Variants in UGT3A1 observed in about 807,000 individuals in gnomAD.
UGT3A1 encodes UDP-glycosyltransferase 3A1.
In UGT3A1, 40 loss-of-function variants were observed where a neutral mutation model predicts 37.6. That is an observed-to-expected ratio of 1.06 (90% CI 0.83 to 1.38). The LOEUF (loss-of-function observed/expected upper bound fraction) is 1.38, where lower values mean the gene tolerates loss of function less well. Ranked by LOEUF, UGT3A1 falls within the 40% of genes most tolerant of loss-of-function variation. UGT3A1 has a pLI of 0.00. For synonymous variants in UGT3A1, 256 were observed against 232.3 expected, an observed-to-expected ratio of 1.10 and a Z score of -0.93; for missense variants, 642 against 634.2, an observed-to-expected ratio of 1.01 and a Z score of -0.13.
rs373182805 is a variant in UGT3A1 at position 35,954,230 on chromosome 5, C to T, written c.1544G>A (p.Arg515His). ...KLLGVVARWL[R>H]GARKVKKT The stretch of plus-strand genomic sequence containing the variant: ...TGTCTTCTTCACCTTCCTGGCCCCA[C>T]GCAGCCACCTGGCCACCACACCCAG... Residue 515 changes from arginine (R) to histidine (H), a missense_variant, in exon 7 of 7, where the codon CGT (arginine) becomes CAT (histidine). By Grantham distance (29) the Arg-to-His change is conservative. Transcript: ENST00000274278. The T allele has an allele frequency of 2.3e-5, 37 of 1,614,148 alleles. No individual in the cohort carries two copies. The highest frequency in any genetic ancestry group is 9.9e-5 in the South Asian group (9 of 91,076).
intron 1 of UGT3A1, 189 bp downstream of exon 1, chr5:35,990,958 T>A (rs1402851027): frequency 6.7e-7 from 1 of 1,483,588 alleles, no homozygotes; most frequent in East Asian, 2.4e-5. Context: ...AAAACTGTCT[T>A]CCTCACCTCA....
chr5:35,984,187 A>G (rs1453397820), intron 2 of UGT3A1, among the ~76,000 whole-genome samples: 1 of 152,230 alleles, frequency 6.6e-6, no homozygotes, highest in Non-Finnish European at 1.5e-5. Flanking sequence ...AGAATTCATA[A>G]GCAAATTCAG....
chr5:35,966,631 C>T (rs998892112), intron 3 of UGT3A1, among the ~76,000 whole-genome samples: 1 of 152,182 alleles, frequency 6.6e-6, no homozygotes, highest in Non-Finnish European at 1.5e-5. Flanking sequence ...CCTTCAATGT[C>T]TTCCCATAAT....
At chr5:35,983,812 A>T (rs1294952730) in intron 2 of UGT3A1, among the ~76,000 whole-genome samples, 2 of 152,226 alleles carry the variant, frequency 1.3e-5, no homozygotes, top group African/African-American at 4.8e-5. Context: ...TGATAATTTC[A>T]ATAGATGCAT....
upstream of UGT3A1, among the ~76,000 whole-genome samples, chr5:35,994,658 C>T (rs1741052530): frequency 6.6e-6 from 1 of 152,114 alleles, no homozygotes. Context: ...GCCCCTGACA[C>T]ATATGCCAGG....
chr5:35,983,213 T>A (rs1013772689), intron 2 of UGT3A1, among the ~76,000 whole-genome samples: 2 of 151,434 alleles, frequency 1.3e-5, no homozygotes, highest in Admixed American at 1.3e-4. Flanking sequence ...AAAAAAGATA[T>A]AACAACAGAG....
chr5:35,965,530 A>G lies in UGT3A1; in HGVS notation c.699T>C (p.Ser233=), dbSNP rs765490410. Residue 233 remains serine, a synonymous_variant, in exon 4 of 7, where the codon TCT becomes TCC. Coordinates refer to ENST00000274278, the MANE Select transcript of UGT3A1 (RefSeq NM_152404.4). ...NTIKEHFPEG[S]RPVLSHLLLK... Reference sequence around the variant, plus strand: ...GTAGAAGATGAGACAAAACTGGCCTAGAGCCTTCTGGGAAATGCTCCTTGA... The same window carrying G: ...GTAGAAGATGAGACAAAACTGGCCTGGAGCCTTCTGGGAAATGCTCCTTGA... The G allele has an allele frequency of 1.9e-5, 31 of 1,614,268 alleles. 1 individual carries two copies. The East Asian group carries it at 6.9e-4, about 36-fold the overall frequency.
chr5:35,967,356 A>G (rs1387323826), intron 3 of UGT3A1, among the ~76,000 whole-genome samples: 1 of 152,226 alleles, frequency 6.6e-6, no homozygotes, highest in African/African-American at 2.4e-5. Context: ...TGAAGCCACT[A>G]TAATTAACTA....
At chr5:35,969,582 C>G (rs183805444) in intron 2 of UGT3A1, among the ~76,000 whole-genome samples, 141 of 152,190 alleles carry the variant, frequency 9.3e-4, no homozygotes, top group African/African-American at 3.3e-3. Flanking sequence ...GATGCAAGAA[C>G]AAAAACTAAA....
chr5:35,995,220 C>G (rs1418135308), upstream of UGT3A1, among the ~76,000 whole-genome samples: 1 of 152,174 alleles, frequency 6.6e-6, no homozygotes, highest in Non-Finnish European at 1.5e-5. Flanking sequence ...CAGATCTGTT[C>G]CCCCCTTCTC....
chr5:35,968,034 G>C lies in UGT3A1; in HGVS notation c.296C>G (p.Thr99Arg). ...AAGAAGTTACCTGCCATCCAATGCT[G>C]TTTCTATGTAGCTATCAAAATGCTT... Reference protein sequence around the residue: ...IKKHFDSYIETALDGRKESEA... With the variant: ...IKKHFDSYIERALDGRKESEA... Residue 99 changes from threonine (T) to arginine (R), a missense_variant, in exon 3 of 7, where the codon ACA (threonine) becomes AGA (arginine). Coordinates refer to ENST00000274278, the MANE Select transcript of UGT3A1 (RefSeq NM_152404.4). The C allele has an allele frequency of 1.2e-6, 2 of 1,611,808 alleles. No individual in the cohort carries two copies. Among genetic ancestry groups the C allele is most frequent in the Non-Finnish European group, 1.7e-6 (2 of 1,179,312 alleles).
chr5:35,984,029 C>A (rs1222232005), intron 2 of UGT3A1, among the ~76,000 whole-genome samples: 1 of 152,086 alleles, frequency 6.6e-6, no homozygotes, highest in Non-Finnish European at 1.5e-5. Context: ...TTTTATTCAA[C>A]ATCATAGTGG....
chr5:35,983,452 G>A (rs1295963080), intron 2 of UGT3A1, among the ~76,000 whole-genome samples: 1 of 152,114 alleles, frequency 6.6e-6, no homozygotes, highest in African/African-American at 2.4e-5. Context: ...TGAATTCACT[G>A]ATGAATTCTA....
rs780867962 is a variant in UGT3A1 at position 35,991,148 on chromosome 5, C to T, written c.93G>A (p.Leu31=). 5.6e-6 allele frequency: 9 copies of T among 1,614,216 alleles called. No homozygotes were observed. In the East Asian group the frequency reaches 1.8e-4, roughly 32 times the overall value. Residue 31 remains leucine (L), a splice_region_variant and synonymous_variant, in exon 1 of 7, where the codon CTG becomes CTA. Transcript: ENST00000274278. ...EAAKILTIST[L]GGSHYLLLDR... is the part of the protein sequence containing the mutation. ...GGAATTCTCCGGCCAAGCACTCACC[C>T]AGTGTAGATATTGTCAGGATTTTGG... is the stretch of plus-strand genomic sequence containing the variant.
At chr5:35,997,815 A>C (rs1741131793) in intron 1 of UGT3A1, among the ~76,000 whole-genome samples, 1 of 152,210 alleles carries the variant, frequency 6.6e-6, no homozygotes, top group African/African-American at 2.4e-5. Context: ...CCTCTCAAGA[A>C]GATAGTCTAT....
At chr5:35,961,167 T>C (rs1580921918) in intron 4 of UGT3A1, 1 of 152,198 alleles carries the variant, frequency 6.6e-6, no homozygotes, top group Non-Finnish European at 1.5e-5. Flanking sequence ...CTCTGTCTCC[T>C]AGCCGTATCA....
upstream of UGT3A1, among the ~76,000 whole-genome samples, chr5:35,992,228 AATTTAAAGCATTACATTTT>A (rs1740973503): frequency 2.0e-5 from 3 of 152,222 alleles, no homozygotes; most frequent in Admixed American, 2.0e-4. Context: ...TTTTAATCTG[AATTTAAAGCATTACATTTT>A]ATTTAAAGCA....
chr5:35,951,115 C>T lies in UGT3A1; in HGVS notation c.*3087G>A, dbSNP rs928337121. The T allele has an allele frequency of 2.6e-5, 4 of 151,908 alleles. No homozygotes were observed. The highest frequency in any genetic ancestry group is 1.9e-4 in the East Asian group (1 of 5,182). 9.4% of individuals were successfully genotyped at this position (151,908 alleles called of 1,614,324 possible). On this transcript the variant is annotated 3_prime_UTR_variant, in exon 7 of 7. Coordinates refer to ENST00000274278, the MANE Select transcript of UGT3A1 (RefSeq NM_152404.4). ...AATTTTTTTCACTACAGTATAGTTA[C>T]ATTTTCATTTGGAAAAAATTGATTT...
chr5:35,973,716 C>G (rs1740145295), intron 2 of UGT3A1, among the ~76,000 whole-genome samples: 1 of 152,122 alleles, frequency 6.6e-6, no homozygotes, highest in African/African-American at 2.4e-5. Context: ...TGTTTGTTCT[C>G]CTTCATGGGT....
Sources: gnomAD v4.1 joint callset for allele counts (sites outside exome capture counted in the v4.1 genomes callset) on GRCh38, gnomAD v4.1.1 for gene constraint, MANE v1.5 for transcripts, NCBI Gene and HGNC (gene_info 2026-07-23, HGNC 2026-07-21) for gene names.